The following CRTC3 variants were observed in gnomAD, a reference collection of about 807,000 sequenced individuals.
CRTC3 encodes the protein CREB regulated transcription coactivator 3.
A neutral mutation model predicts 74.5 loss-of-function variants in CRTC3; 26 were observed. That is an observed-to-expected ratio of 0.35 (90% CI 0.26 to 0.48). The LOEUF (loss-of-function observed/expected upper bound fraction) is 0.48, where lower values mean the gene tolerates loss of function less well. CRTC3 is among the 20% of genes least tolerant of loss of function. The pLI, the probability that CRTC3 is intolerant of heterozygous loss-of-function variation, is 0.99. For missense variants in CRTC3, 760 were observed against 787.3 expected (o/e 0.97, Z 0.41); for synonymous variants, 377 against 325.8 (o/e 1.16, Z -1.69).
chr15:90,643,863 A>C lies in CRTC3; in HGVS notation c.*1723A>C. 1 of 232,380 alleles carries C rather than the reference A, an allele frequency of 4.3e-6. No homozygotes were observed. Among genetic ancestry groups the C allele is most frequent in the Non-Finnish European group, 8.5e-6 (1 of 117,590 alleles). The allele number at this position is 232,380 out of a possible 1,614,324, so 14.4% of individuals were successfully genotyped here. On this transcript the variant is annotated 3_prime_UTR_variant, in exon 15 of 15. Coordinates refer to ENST00000268184, the MANE Select transcript of CRTC3 (RefSeq NM_022769.5). ...CCTGGAGTGTACTGAGGGTTGCTGG[A>C]CTGTTCCACCCAGAGGAGCAAGGCT...
At chr15:90,638,077 C>T (rs973182661) in intron 11 of CRTC3, 7 of 214,626 alleles carry the variant, frequency 3.3e-5, no homozygotes, top group African/African-American at 9.3e-5. Context: ...CTTGTTTTAA[C>T]AGGATTTGGG....
In CRTC3 at chr15:90,602,400, C is replaced by T; in HGVS notation, c.413+15C>T. 1 of 1,458,428 alleles carries T rather than the reference C, an allele frequency of 6.9e-7. No individual in the cohort carries two copies. Among genetic ancestry groups the T allele is most frequent in the Non-Finnish European group, 9.6e-7 (1 of 1,041,134 alleles). 90.3% of individuals were successfully genotyped at this position (1,458,428 alleles called of 1,614,324 possible). ...AGTTGGCCAAGGTAAGCAAGACATA[C>T]TTTAAAAGATATGATGGGCATGTGT... On this transcript the variant is annotated intron_variant, in intron 4 of 14. Coordinates refer to ENST00000268184, the MANE Select transcript of CRTC3 (RefSeq NM_022769.5).
At chr15:90,575,016 A>T (rs1200995142) in intron 2 of CRTC3, among the ~76,000 whole-genome samples, 1 of 151,840 alleles carries the variant, frequency 6.6e-6, no homozygotes, top group Admixed American at 6.6e-5. Context: ...TTATACTGAA[A>T]TTTTTTTTCT....
Position 90,613,480 on chromosome 15 carries a change from G to T in CRTC3, c.578-973G>T, listed in dbSNP as rs368345759. Among the ~76,000 whole-genome samples, 43 of 152,264 alleles carry T rather than the reference G, an allele frequency of 2.8e-4. 2 individuals carry two copies. The East Asian group carries it at 6.2e-3, about 22-fold the overall frequency. On this transcript the variant is annotated intron_variant, in intron 6 of 14. Coordinates refer to ENST00000268184, the MANE Select transcript of CRTC3 (RefSeq NM_022769.5). ...TGTTATATCTTCTACCTGTGTTATA[G>T]AATGTGCTACCGTGTTACCCTGATC...
At chr15:90,563,562 C>A (rs898797661) in intron 2 of CRTC3, among the ~76,000 whole-genome samples, 2 of 152,170 alleles carry the variant, frequency 1.3e-5, no homozygotes, top group African/African-American at 4.8e-5. Flanking sequence ...CTGCTAAGAG[C>A]GGATGGCTCT....
chr15:90,531,232 A>G (rs778733741), intron 1 of CRTC3, among the ~76,000 whole-genome samples: 18 of 152,108 alleles, frequency 1.2e-4, no homozygotes, highest in Admixed American at 1.2e-3. Flanking sequence ...ACAAAATCCA[A>G]ATTTCCGTAT....
chr15:90,644,757 C>T lies in CRTC3; in HGVS notation c.*2617C>T. 3 of 232,362 alleles carry T rather than the reference C, an allele frequency of 1.3e-5. No homozygotes were observed. Among genetic ancestry groups the T allele is most frequent in the African/African-American group, 2.2e-5 (1 of 45,400 alleles). The allele number at this position is 232,362 out of a possible 1,614,324, so 14.4% of individuals were successfully genotyped here. A position where few individuals can be genotyped will look rare whatever the true frequency, so the allele number is the denominator to read the frequency against. ...ACAGCACGTGAGCCTGCACTCACTG[C>T]GGCCTTTGTAACAAAACCAGTTGTG... On this transcript the variant is annotated 3_prime_UTR_variant, in exon 15 of 15. Transcript: ENST00000268184.
Position 90,629,159 on chromosome 15 carries a change from A to G in CRTC3, c.968-75A>G, listed in dbSNP as rs1968943455. On this transcript the variant is annotated intron_variant, in intron 10 of 14. Coordinates refer to ENST00000268184, the MANE Select transcript of CRTC3 (RefSeq NM_022769.5). ...ATCATCATCGCATGTGACAGTAGACAGTTTTCTTTCATTTTTGGAATACAA... is the reference window on the plus strand; with the variant it reads ...ATCATCATCGCATGTGACAGTAGACGGTTTTCTTTCATTTTTGGAATACAA... The G allele has an allele frequency of 2.2e-6, 3 of 1,391,128 alleles. No individual in the cohort carries two copies. In the Admixed American group the frequency reaches 6.0e-5, roughly 28 times the overall value. The allele number at this position is 1,391,128 out of a possible 1,614,324, so 86.2% of individuals were successfully genotyped here.
At chr15:90,536,009 T>G (rs972207165) in intron 1 of CRTC3, among the ~76,000 whole-genome samples, 8 of 152,228 alleles carry the variant, frequency 5.3e-5, no homozygotes, top group Admixed American at 6.5e-5. Context: ...TTTTACTCCC[T>G]GCTGTAAGGT....
intron 2 of CRTC3, among the ~76,000 whole-genome samples, chr15:90,542,181 A>ATTTTTTTTTTTTTTTTTTCCTTTT (rs59433275): frequency 7.2e-6 from 1 of 139,652 alleles, no homozygotes. Flanking sequence ...AGTCCACTTA[A>ATTTTTTTTTTTTTTTTTTCCTTTT]TTTTTTTTTT....
At position 90,602,377 on chromosome 15, in the gene CRTC3, T is replaced by C; in HGVS notation, c.405T>C (p.Ser135=). 1.3e-6 allele frequency: 2 copies of C among 1,583,654 alleles called. No homozygotes were observed. The highest frequency in any genetic ancestry group is 1.1e-5 in the South Asian group (1 of 89,860). ...ANYSSQPLDE[S]WPRQQPPWKD... ...ATTCCTCACAGCCTCTGGATGAGAG[T>C]TGGCCAAGGTAAGCAAGACATACTT... Residue 135 remains serine, a synonymous_variant, in exon 4 of 15, where the codon AGT becomes AGC. Transcript: ENST00000268184.
intron 9 of CRTC3, 43 bp from the exon 10 acceptor site, chr15:90,625,733 C>G (rs745809191): frequency 3.2e-6 from 5 of 1,563,134 alleles, no homozygotes; most frequent in Non-Finnish European, 4.4e-6. Flanking sequence ...TCCCAACAGC[C>G]AAATACATTG....
intron 2 of CRTC3, among the ~76,000 whole-genome samples, chr15:90,574,683 G>C (rs997648008): frequency 6.6e-6 from 1 of 152,116 alleles, no homozygotes; most frequent in South Asian, 2.1e-4. Flanking sequence ...GAAAGTGCCT[G>C]TTTGCCCACA....
intron 11 of CRTC3, 65 bp downstream of exon 11, chr15:90,629,597 C>T (rs539246475): frequency 4.6e-6 from 7 of 1,531,132 alleles, no homozygotes; most frequent in South Asian, 3.5e-5. Context: ...GAAGTGCATT[C>T]CTCCTCTTTA....
intron 2 of CRTC3, among the ~76,000 whole-genome samples, chr15:90,556,480 G>A (rs1966892619): frequency 6.6e-6 from 1 of 152,194 alleles, no homozygotes; most frequent in African/African-American, 2.4e-5. Flanking sequence ...CGTTCCAAGT[G>A]TATGTTGACT....
intron 11 of CRTC3, 85 bp downstream of exon 11, chr15:90,629,617 G>T (rs1383712201): frequency 7.1e-7 from 1 of 1,417,284 alleles, no homozygotes; most frequent in Non-Finnish European, 9.8e-7. Flanking sequence ...ACTATTTTGG[G>T]TTACACTCAT....
chr15:90,569,510 G>T (rs1443098178), intron 2 of CRTC3, among the ~76,000 whole-genome samples: 1 of 144,680 alleles, frequency 6.9e-6, no homozygotes, highest in East Asian at 2.0e-4. Context: ...GTAGAGATGG[G>T]GTTTCACCAT....
At chr15:90,571,515 C>G (rs1340529707) in intron 2 of CRTC3, among the ~76,000 whole-genome samples, 1 of 152,102 alleles carries the variant, frequency 6.6e-6, no homozygotes, top group Non-Finnish European at 1.5e-5. Flanking sequence ...GAAGTAGGAA[C>G]CAGATCACAA....
intron 9 of CRTC3, among the ~76,000 whole-genome samples, chr15:90,623,654 C>T (rs1377479080): frequency 6.6e-6 from 1 of 152,160 alleles, no homozygotes; most frequent in African/African-American, 2.4e-5. Context: ...AGACCCCTTC[C>T]CCAAGTCTGT....
Sources: allele counts gnomAD v4.1 joint callset (sites outside exome capture counted in the v4.1 genomes callset), GRCh38; gene constraint gnomAD v4.1.1; transcripts MANE v1.5; gene names NCBI Gene and HGNC (gene_info 2026-07-23, HGNC 2026-07-21).